TBX5: variants seen among roughly 807,000 people sequenced by gnomAD.
TBX5 encodes the protein T-box transcription factor 5.
A neutral mutation model predicts 51.1 loss-of-function variants in TBX5; 8 were observed. The observed-to-expected ratio is 0.16, with a 90% CI of 0.09 to 0.28. TBX5 has a LOEUF of 0.28. TBX5 is among the 10% of genes least tolerant of loss of function. The pLI is 1.00. For synonymous variants in TBX5, 302 were observed against 266.4 expected (o/e 1.13, Z -1.30); for missense variants, 589 against 671.7 (o/e 0.88, Z 1.36).
chr12:114,380,569 A>T (rs1419209912), intron 7 of TBX5, among the ~76,000 whole-genome samples: 1 of 152,192 alleles, frequency 6.6e-6, no homozygotes, highest in African/African-American at 2.4e-5. Flanking sequence ...TCTGTGCACC[A>T]TCTAAAACCT....
chr12:114,369,956 A>G (rs1869763454), intron 7 of TBX5, among the ~76,000 whole-genome samples: 1 of 152,050 alleles, frequency 6.6e-6, no homozygotes, highest in African/African-American at 2.4e-5. Context: ...TACATTAGAG[A>G]TAAGAAAATG....
intron 7 of TBX5, among the ~76,000 whole-genome samples, chr12:114,373,387 AGAC>A (rs1262052428): frequency 6.6e-6 from 1 of 152,222 alleles, no homozygotes; most frequent in African/African-American, 2.4e-5. Context: ...GTAAAACTAC[AGAC>A]AACAAAGGAC....
At chr12:114,358,894 T>C (rs984975115) in intron 8 of TBX5, among the ~76,000 whole-genome samples, 16 of 152,138 alleles carry the variant, frequency 1.1e-4, no homozygotes, top group Non-Finnish European at 1.9e-4. Flanking sequence ...TCTTCCTTCC[T>C]TCCCCCAGAT....
chr12:114,377,434 A>G (rs1468950098), intron 7 of TBX5, among the ~76,000 whole-genome samples: 1 of 152,172 alleles, frequency 6.6e-6, no homozygotes, highest in African/African-American at 2.4e-5. Flanking sequence ...TCTGTTGCTC[A>G]GGCTGGAATG....
intron 7 of TBX5, among the ~76,000 whole-genome samples, chr12:114,372,532 A>T (rs1336644158): frequency 6.7e-6 from 1 of 149,726 alleles, no homozygotes; most frequent in Non-Finnish European, 1.5e-5. Context: ...GTTGGTTTTG[A>T]TCTGGCCTCA....
intron 7 of TBX5, among the ~76,000 whole-genome samples, chr12:114,379,958 T>G (rs904689796): frequency 1.3e-5 from 2 of 152,192 alleles, no homozygotes; most frequent in Non-Finnish European, 2.9e-5. Flanking sequence ...AATTCCACAC[T>G]TCTAGGAGCA....
In TBX5 at chr12:114,365,205, T is replaced by G. The variant is rs1353671826; in HGVS notation, c.982+960A>C. ...GTGTGTGTGTGTGTGTTGGTTTTGA[T>G]CAGGAAAAAAAAAAAAAGAGTTCAA... On this transcript the variant is annotated intron_variant, in intron 8 of 8. Coordinates refer to ENST00000405440, the MANE Select transcript of TBX5 (RefSeq NM_181486.4). 2.1e-5 allele frequency among the ~76,000 whole-genome samples: 3 copies of G among 144,818 alleles called. No individual in the cohort carries two copies. In the East Asian group the frequency reaches 6.9e-4, roughly 33 times the overall value.
At chr12:114,366,775 A>C (rs3782464) in intron 7 of TBX5, among the ~76,000 whole-genome samples, 47,081 of 152,080 alleles carry the variant, frequency 0.31, 7,853 homozygotes, top group East Asian at 0.39. Context: ...CTGAGTATTT[A>C]TTTAGACTTA....
chr12:114,407,237 G>T, upstream of TBX5: 1 of 315,934 alleles, frequency 3.2e-6, no homozygotes, highest in Non-Finnish European at 4.6e-6. Context: ...CTTTGCTATG[G>T]TGCTCACTCC....
intron 7 of TBX5, among the ~76,000 whole-genome samples, chr12:114,374,788 A>T (rs1870102593): frequency 1.3e-5 from 2 of 152,202 alleles, no homozygotes; most frequent in Non-Finnish European, 2.9e-5. Context: ...ACAAAAATTG[A>T]GTCCTAGTTA....
In TBX5 at chr12:114,355,865, G is replaced by A. The variant is rs762204624; in HGVS notation, c.1224C>T (p.Ser408=). 1.9e-6 allele frequency: 3 copies of A among 1,613,772 alleles called. No individual in the cohort carries two copies. The highest frequency in any genetic ancestry group is 1.3e-5 in the African/African-American group (1 of 75,070). Residue 408 remains serine, a synonymous_variant, in exon 9 of 9, where the codon AGC becomes AGT. Transcript: ENST00000405440. ...GCTGCACGGTGGTGACGGTGCAGCT[G>A]CTGTAGGAAGGCATGCTTGGCCACG... is the stretch of plus-strand genomic sequence containing the variant. ...CNTWPSMPSY[S]SCTVTTVQPM...
chr12:114,407,076 A>T (rs1872274757), upstream of TBX5: 1 of 985,294 alleles, frequency 1.0e-6, no homozygotes, highest in Non-Finnish European at 1.2e-6. Flanking sequence ...GGAGAAAGGG[A>T]TGGAGGGAGG....
intron 7 of TBX5, among the ~76,000 whole-genome samples, chr12:114,370,292 G>T (rs7358606): frequency 7.1e-5 from 2 of 28,154 alleles, no homozygotes; most frequent in East Asian, 7.7e-4. Context: ...AGAAAAGAAA[G>T]AAAAGAAAAG....
chr12:114,370,638 CCTCTCT>C (rs142620191), intron 7 of TBX5, among the ~76,000 whole-genome samples: 36 of 146,766 alleles, frequency 2.5e-4, no homozygotes, highest in Non-Finnish European at 2.9e-4. Context: ...ATGATCTCTC[CCTCTCT>C]CTCTCTCTCT....
chr12:114,369,399 T>C (rs1461793555), intron 7 of TBX5, among the ~76,000 whole-genome samples: 2 of 152,302 alleles, frequency 1.3e-5, no homozygotes, highest in East Asian at 3.9e-4. Flanking sequence ...TGTTTCCCTC[T>C]AAAGAGCCTG....
At chr12:114,370,274 A>AAAAGAAAAGAAAAGAAAAC (rs1869795779) in intron 7 of TBX5, among the ~76,000 whole-genome samples, 2 of 69,420 alleles carry the variant, frequency 2.9e-5, no homozygotes, top group African/African-American at 8.1e-5. Context: ...AAAAGAAAAG[A>AAAAGAAAAGAAAAGAAAAC]AAAGAAAAGA....
chr12:114,372,985 C>T (rs763310108), intron 7 of TBX5, among the ~76,000 whole-genome samples: 3 of 34,334 alleles, frequency 8.7e-5, no homozygotes, highest in Admixed American at 5.6e-4. Context: ...TATACATACA[C>T]ACACACACAC....
At chr12:114,380,264 G>C (rs1870432605) in intron 7 of TBX5, among the ~76,000 whole-genome samples, 1 of 152,186 alleles carries the variant, frequency 6.6e-6, no homozygotes, top group Non-Finnish European at 1.5e-5. Flanking sequence ...AGAAAGAGTT[G>C]TTCTATAAAA....
At chr12:114,387,947 C>T (rs1870911505) in intron 6 of TBX5, among the ~76,000 whole-genome samples, 1 of 152,162 alleles carries the variant, frequency 6.6e-6, no homozygotes, top group Non-Finnish European at 1.5e-5. Flanking sequence ...TGCAATCCTC[C>T]TGCCTCGGCA....
Sources: gnomAD v4.1 joint callset for allele counts (sites outside exome capture counted in the v4.1 genomes callset) on GRCh38, gnomAD v4.1.1 for gene constraint, MANE v1.5 for transcripts, NCBI Gene and HGNC (gene_info 2026-07-23, HGNC 2026-07-21) for gene names.